The following VRK2 variants were observed in gnomAD, a reference collection of about 807,000 sequenced individuals.
The protein encoded by VRK2 is serine/threonine-protein kinase VRK2.
In VRK2, 60 loss-of-function variants were observed where a neutral mutation model predicts 57.6. That is an observed-to-expected ratio of 1.04 (90% CI 0.85 to 1.29). The LOEUF (loss-of-function observed/expected upper bound fraction) is 1.29, where lower values mean the gene tolerates loss of function less well. Among genes scored for constraint, VRK2 ranks in the 50% most tolerant of loss-of-function variants. The probability of loss-of-function intolerance (pLI) is 0.00; values close to 1 mark genes in which losing one functional copy is unlikely to be tolerated. For synonymous variants in VRK2, 231 were observed against 199.2 expected (o/e 1.16, Z -1.35); for missense variants, 705 against 588.1 (o/e 1.20, Z -2.06).
chr2:57,932,576 C>A (rs562728319), intron 1 of VRK2, among the ~76,000 whole-genome samples: 2 of 152,022 alleles, frequency 1.3e-5, no homozygotes, highest in South Asian at 2.1e-4. Context: ...ATTTTATTAA[C>A]CTTCTCTTTT....
intron 7 of VRK2, among the ~76,000 whole-genome samples, chr2:58,113,044 C>T (rs891384329): frequency 4.6e-5 from 7 of 152,132 alleles, no homozygotes; most frequent in African/African-American, 1.7e-4. Flanking sequence ...GGCACAGTGG[C>T]TCACGCCTGT....
At chr2:58,144,959 T>C (rs1012271977) in intron 11 of VRK2, among the ~76,000 whole-genome samples, 2 of 151,932 alleles carry the variant, frequency 1.3e-5, no homozygotes, top group Non-Finnish European at 2.9e-5. Flanking sequence ...AGACTACAAA[T>C]TAAGGCTCTG....
chr2:58,108,412 A>G (rs955961396), intron 7 of VRK2, among the ~76,000 whole-genome samples: 9 of 152,166 alleles, frequency 5.9e-5, no homozygotes, highest in Admixed American at 1.3e-4. Context: ...CTTTGCCAGA[A>G]AAATCCTTCC....
intron 1 of VRK2, among the ~76,000 whole-genome samples, chr2:57,947,980 A>T (rs998645208): frequency 1.3e-5 from 2 of 152,182 alleles, no homozygotes; most frequent in Admixed American, 6.5e-5. Flanking sequence ...TCTCTCCTGA[A>T]AATGTATTCT....
At chr2:58,090,577 C>CT (rs1196422717) in intron 7 of VRK2, among the ~76,000 whole-genome samples, 1 of 152,090 alleles carries the variant, frequency 6.6e-6, no homozygotes, top group Non-Finnish European at 1.5e-5. Context: ...AACAGGAACT[C>CT]TCATTTGTTG....
chr2:57,965,436 A>G (rs1671888249), intron 1 of VRK2, among the ~76,000 whole-genome samples: 1 of 152,230 alleles, frequency 6.6e-6, no homozygotes, highest in African/African-American at 2.4e-5. Context: ...TCAATAATGT[A>G]TAGGAACCAG....
chr2:57,931,695 G>A (rs925661972), intron 1 of VRK2, among the ~76,000 whole-genome samples: 17 of 152,028 alleles, frequency 1.1e-4, no homozygotes, highest in African/African-American at 3.1e-4. Flanking sequence ...CACCAAGATC[G>A]ATGTCATGGA....
intron 8 of VRK2, among the ~76,000 whole-genome samples, chr2:58,124,716 A>G (rs755700518): frequency 2.6e-5 from 4 of 152,182 alleles, no homozygotes; most frequent in Non-Finnish European, 5.9e-5. Flanking sequence ...ATACTAGCTT[A>G]AGGTAGGCCA....
At chr2:57,985,201 C>G (rs984313328) in intron 1 of VRK2, among the ~76,000 whole-genome samples, 1 of 151,922 alleles carries the variant, frequency 6.6e-6, no homozygotes, top group Admixed American at 6.6e-5. Context: ...TTCTGCAATT[C>G]ACTAATGCAA....
intron 1 of VRK2, among the ~76,000 whole-genome samples, chr2:57,936,516 TTGTTTTG>T (rs1670910826): frequency 6.7e-6 from 1 of 148,712 alleles, no homozygotes; most frequent in South Asian, 2.1e-4. Flanking sequence ...TTGTTTTGTT[TTGTTTTG>T]TTTTTTTGTT....
In VRK2 at chr2:58,063,664, T is replaced by C. The variant is rs146569773; in HGVS notation, c.136+14697T>C. Among the ~76,000 whole-genome samples the C allele has an allele frequency of 3.0e-3, 457 of 152,240 alleles. 3 individuals are homozygous for C. Among genetic ancestry groups the C allele is most frequent in the African/African-American group, 0.011 (441 of 41,550 alleles). On this transcript the variant is annotated intron_variant, in intron 2 of 12. Coordinates refer to ENST00000340157, the MANE Select transcript of VRK2 (RefSeq NM_006296.7). ...TACAAGGAGATTAATGTTGTTTTCA[T>C]GCCTGCTAACATAGTGTCCCTTCTG...
At chr2:57,967,699 A>T (rs753452331) in intron 1 of VRK2, among the ~76,000 whole-genome samples, 2 of 152,216 alleles carry the variant, frequency 1.3e-5, no homozygotes, top group Non-Finnish European at 2.9e-5. Flanking sequence ...GACCTTAAGA[A>T]CTTATCTATA....
intron 1 of VRK2, among the ~76,000 whole-genome samples, chr2:57,926,646 G>C (rs1435206346): frequency 6.6e-6 from 1 of 151,142 alleles, no homozygotes; most frequent in Non-Finnish European, 1.5e-5. Context: ...AATCTATTTT[G>C]TCTGATAAAG....
chr2:57,982,125 G>A (rs1207875130), intron 1 of VRK2, among the ~76,000 whole-genome samples: 1 of 152,128 alleles, frequency 6.6e-6, no homozygotes, highest in African/African-American at 2.4e-5. Context: ...TAGTCAATTG[G>A]CTTCATTCTG....
chr2:58,108,378 G>A (rs971121945), intron 7 of VRK2, among the ~76,000 whole-genome samples: 16 of 152,038 alleles, frequency 1.1e-4, no homozygotes, highest in Admixed American at 1.0e-3. Context: ...TCCTTATGAT[G>A]CTGCCAGTGC....
At chr2:58,019,678 A>G (rs1039135327) in intron 1 of VRK2, among the ~76,000 whole-genome samples, 1 of 152,210 alleles carries the variant, frequency 6.6e-6, no homozygotes, top group African/African-American at 2.4e-5. Flanking sequence ...AACCTGTGTG[A>G]TATTATTCAC....
Position 58,029,423 on chromosome 2 carries a change from C to G in VRK2, c.-333+3653C>G, listed in dbSNP as rs1398650127. 2.0e-5 allele frequency among the ~76,000 whole-genome samples: 3 copies of G among 152,040 alleles called. No individual in the cohort carries two copies. In the East Asian group the frequency reaches 5.8e-4, roughly 29 times the overall value. ...CCTCCTAACACTGCTTAGATGGTAC[C>G]ATCTTGCTTTGTGTCAACTCAGGTA... is the stretch of plus-strand genomic sequence containing the variant. On this transcript the variant is annotated intron_variant, in intron 2 of 15. Coordinates refer to the VRK2 transcript ENST00000417641.
At chr2:58,128,624 G>A (rs922871210) in intron 8 of VRK2, among the ~76,000 whole-genome samples, 7 of 152,144 alleles carry the variant, frequency 4.6e-5, no homozygotes, top group Admixed American at 2.0e-4. Context: ...GAGCCACCGC[G>A]CCTGGCAACA....
intron 2 of VRK2, among the ~76,000 whole-genome samples, chr2:58,049,490 A>G (rs564466835): frequency 7.2e-5 from 11 of 152,280 alleles, no homozygotes; most frequent in South Asian, 4.1e-4. Context: ...GGATAATTGA[A>G]AAAATAAACA....
Sources: gnomAD v4.1 joint callset for allele counts (sites outside exome capture counted in the v4.1 genomes callset) on GRCh38, gnomAD v4.1.1 for gene constraint, MANE v1.5 for transcripts, NCBI Gene and HGNC (gene_info 2026-07-23, HGNC 2026-07-21) for gene names.